CFAP299: variants seen among roughly 807,000 people sequenced by gnomAD.
CFAP299 encodes cilia and flagella associated protein 299.
Under a neutral mutation model 27.0 loss-of-function variants are expected in CFAP299, and 21 were observed. The observed-to-expected ratio is 0.78, with a 90% CI of 0.55 to 1.12. The LOEUF is 1.12. CFAP299 is among the 50% of genes most tolerant of loss of function. The pLI is 0.00. For synonymous variants in CFAP299, 104 were observed against 98.1 expected (o/e 1.06, Z -0.36); for missense variants, 310 against 276.6 (o/e 1.12, Z -0.86).
intron 2 of CFAP299, among the ~76,000 whole-genome samples, chr4:80,433,132 C>G (rs1186732352): frequency 1.3e-5 from 2 of 151,888 alleles, no homozygotes; most frequent in African/African-American, 4.8e-5. Context: ...TTATCCTGTT[C>G]ATCTGTTAGT....
At chr4:80,736,468 A>T (rs1379549786) in intron 3 of CFAP299, among the ~76,000 whole-genome samples, 1 of 149,822 alleles carries the variant, frequency 6.7e-6, no homozygotes, top group African/African-American at 2.5e-5. Context: ...AATTTACAAG[A>T]AAAAAAAAAC....
At position 80,455,930 on chromosome 4, in the gene CFAP299, G is replaced by T. The variant is rs535596604; in HGVS notation, c.242+93046G>T. Among the ~76,000 whole-genome samples, 4 of 151,960 alleles carry T rather than the reference G, an allele frequency of 2.6e-5. No homozygotes were observed. The South Asian group carries it at 8.3e-4, about 32-fold the overall frequency. On this transcript the variant is annotated intron_variant, in intron 2 of 5. Coordinates refer to ENST00000358105, the MANE Select transcript of CFAP299 (RefSeq NM_152770.3). ...TCCACAGAGCTTATGTTTTAGTTGG[G>T]GAAGGTAGACAATAAAGAAATAAAA...
chr4:80,901,772 T>A (rs1734911735), intron 4 of CFAP299, among the ~76,000 whole-genome samples: 1 of 152,134 alleles, frequency 6.6e-6, no homozygotes, highest in African/African-American at 2.4e-5. Flanking sequence ...GTTACCTACT[T>A]TAGTTTTGAA....
At chr4:80,673,268 C>G (rs1315446914) in intron 3 of CFAP299, among the ~76,000 whole-genome samples, 1 of 152,130 alleles carries the variant, frequency 6.6e-6, no homozygotes, top group Non-Finnish European at 1.5e-5. Context: ...TCGTTATTTA[C>G]CCAGTAGTCA....
intron 2 of CFAP299, among the ~76,000 whole-genome samples, chr4:80,402,066 A>T (rs1277626321): frequency 1.3e-5 from 2 of 152,200 alleles, no homozygotes; most frequent in Middle Eastern, 3.4e-3. Context: ...TTTACCCAAT[A>T]CCTGTACCCC....
Position 80,431,352 on chromosome 4 carries a change from T to C in CFAP299, c.242+68468T>C, listed in dbSNP as rs564259606. Among the ~76,000 whole-genome samples the C allele has an allele frequency of 2.8e-3, 383 of 136,000 alleles. 4 individuals are homozygous for C. Among genetic ancestry groups the C allele is most frequent in the South Asian group, 0.022 (89 of 4,096 alleles). 89.2% of individuals were successfully genotyped at this position (136,000 alleles called of 152,430 possible). ...TTTTCCTTCCTTCTTTCCTTCCTTT[T>C]TTCCCTCCATCTCTCCCCCCTTCCT... is the stretch of plus-strand genomic sequence containing the variant. On this transcript the variant is annotated intron_variant, in intron 2 of 5. Transcript: ENST00000358105.
chr4:80,418,541 ATT>A (rs148487575), intron 2 of CFAP299, among the ~76,000 whole-genome samples: 4,342 of 152,266 alleles, frequency 0.029, 81 homozygotes, highest in Non-Finnish European at 0.043. Context: ...ACAGAACTCG[ATT>A]ATTAGTTCTA....
chr4:80,628,670 T>A, intron 3 of CFAP299, among the ~76,000 whole-genome samples: 1 of 152,156 alleles, frequency 6.6e-6, no homozygotes, highest in East Asian at 1.9e-4. Context: ...TTAGGAGCCA[T>A]GAAACTGAAC....
At chr4:80,899,550 C>T (rs1184698065) in intron 4 of CFAP299, among the ~76,000 whole-genome samples, 2 of 152,064 alleles carry the variant, frequency 1.3e-5, no homozygotes, top group African/African-American at 4.8e-5. Context: ...GAAGTGGCCA[C>T]CTGTTGACTA....
Position 80,456,343 on chromosome 4 carries a change from C to A in CFAP299, c.242+93459C>A, listed in dbSNP as rs1303990382. The stretch of plus-strand genomic sequence containing the variant: ...CAGATATCTGATATAAAGGGATCTC[C>A]CTCTGGCTATAATAAGAATAGTTTG... On this transcript the variant is annotated intron_variant, in intron 2 of 5. Transcript: ENST00000358105. 2.6e-5 allele frequency among the ~76,000 whole-genome samples: 4 copies of A among 151,922 alleles called. No homozygotes were observed. The East Asian group carries it at 7.7e-4, about 29-fold the overall frequency.
intron 3 of CFAP299, among the ~76,000 whole-genome samples, chr4:80,852,858 A>G (rs564964287): frequency 2.6e-5 from 4 of 152,284 alleles, no homozygotes; most frequent in African/African-American, 9.6e-5. Context: ...ATAGATGCAT[A>G]TTAGGAATAT....
intron 3 of CFAP299, among the ~76,000 whole-genome samples, chr4:80,792,097 T>A (rs1003960343): frequency 6.6e-6 from 1 of 152,030 alleles, no homozygotes; most frequent in Non-Finnish European, 1.5e-5. Context: ...TAGCTTGAAA[T>A]TATCAGATAA....
chr4:80,828,160 C>T (rs1005231024), intron 3 of CFAP299, among the ~76,000 whole-genome samples: 1 of 151,796 alleles, frequency 6.6e-6, no homozygotes, highest in East Asian at 1.9e-4. Context: ...ATCATAATTG[C>T]AATGACATTT....
intron 3 of CFAP299, among the ~76,000 whole-genome samples, chr4:80,635,552 A>G (rs1405301167): frequency 6.6e-6 from 1 of 152,224 alleles, no homozygotes; most frequent in Non-Finnish European, 1.5e-5. Flanking sequence ...AACTTCTCCA[A>G]AACAAAATGG....
intron 4 of CFAP299, among the ~76,000 whole-genome samples, chr4:80,875,537 G>A (rs1211534416): frequency 6.6e-6 from 1 of 151,912 alleles, no homozygotes; most frequent in African/African-American, 2.4e-5. Context: ...GGTGGCAGGT[G>A]CCTGTAATCC....
At chr4:80,512,743 G>A (rs1157092028) in intron 2 of CFAP299, among the ~76,000 whole-genome samples, 1 of 152,058 alleles carries the variant, frequency 6.6e-6, no homozygotes, top group Non-Finnish European at 1.5e-5. Flanking sequence ...AGATGATTAA[G>A]TGATAATAAT....
chr4:80,355,165 T>A (rs1723205017), intron 1 of CFAP299, among the ~76,000 whole-genome samples: 1 of 152,084 alleles, frequency 6.6e-6, no homozygotes, highest in Non-Finnish European at 1.5e-5. Context: ...TCCTTTTTTC[T>A]CCGCAAGTTT....
intron 3 of CFAP299, among the ~76,000 whole-genome samples, chr4:80,822,193 A>G (rs1729744752): frequency 6.6e-6 from 1 of 152,202 alleles, no homozygotes; most frequent in African/African-American, 2.4e-5. Flanking sequence ...CATAAATTAC[A>G]TATTTGCCAA....
chr4:80,500,154 G>A (rs1259637237), intron 2 of CFAP299, among the ~76,000 whole-genome samples: 2 of 152,054 alleles, frequency 1.3e-5, no homozygotes. Flanking sequence ...GTGACTTCTA[G>A]TTAATCAATC....
Sources: allele counts gnomAD v4.1 joint callset (sites outside exome capture counted in the v4.1 genomes callset), GRCh38; gene constraint gnomAD v4.1.1; transcripts MANE v1.5; gene names NCBI Gene and HGNC (gene_info 2026-07-23, HGNC 2026-07-21).